The following PTER variants were observed in gnomAD, a reference collection of about 807,000 sequenced individuals.
PTER encodes the protein N-acetyltaurine hydrolase.
A neutral mutation model predicts 29.6 loss-of-function variants in PTER; 38 were observed. The ratio of observed to expected loss-of-function variants is 1.28; its 90% CI spans 0.99 to 1.68. The LOEUF is 1.68. PTER is among the 40% of genes most tolerant of loss of function. The probability of loss-of-function intolerance (pLI) is 0.00; values close to 1 mark genes in which losing one functional copy is unlikely to be tolerated. For synonymous variants in PTER, 172 were observed against 154.5 expected, an observed-to-expected ratio of 1.11 and a Z score of -0.84; for missense variants, 482 against 427.8, an observed-to-expected ratio of 1.13 and a Z score of -1.12.
rs57314942 is a variant in PTER at position 16,477,301 on chromosome 10, T to TA, written c.-48-7036_-48-7035insA. 8.6e-4 allele frequency among the ~76,000 whole-genome samples: 124 copies of TA among 143,572 alleles called. 1 individual carries two copies. The highest frequency in any genetic ancestry group is 4.4e-4 in the South Asian group (2 of 4,528). The allele number at this position is 143,572 out of a possible 152,430, so 94.2% of individuals were successfully genotyped here. ...ATAGATAGATAGATAGATAGATAGA[T>TA]GGATGTCTGTCTGTCTGCACATGCA... On this transcript the variant is annotated intron_variant, in intron 1 of 4. Transcript: ENST00000535784.
chr10:16,471,814 G>A (rs538334799), intron 1 of PTER, among the ~76,000 whole-genome samples: 2 of 152,190 alleles, frequency 1.3e-5, no homozygotes, highest in Non-Finnish European at 2.9e-5. Flanking sequence ...TCTATATAAT[G>A]CCATAATGGA....
chr10:16,505,040 A>G lies in PTER; in HGVS notation c.719A>G (p.Glu240Gly). ...HLDRTILDKK[E>G]LLEFAQLGCY... ...TCTAGGACTATTCTTGATAAGAAAGAGCTCTTGGAGTTTGCTCAACTTGGC... is the reference window on the plus strand; with the variant it reads ...TCTAGGACTATTCTTGATAAGAAAGGGCTCTTGGAGTTTGCTCAACTTGGC... The change falls in exon 4 of 5, where the codon GAG (glutamate) becomes GGG (glycine). Residue 240 changes from glutamate to glycine, a missense_variant. Physicochemically the swap from Glu to Gly is moderately conservative, Grantham distance 98 (BLOSUM62 -2). Coordinates refer to ENST00000535784, the MANE Select transcript of PTER (RefSeq NM_001261836.2). 1 of 1,613,942 alleles carries G rather than the reference A, an allele frequency of 6.2e-7. No homozygotes were observed. The highest frequency in any genetic ancestry group is 8.5e-7 in the Non-Finnish European group (1 of 1,179,900).
In PTER at chr10:16,484,724, GC is replaced by G; in HGVS notation, c.341del (p.Ala114GlufsTer37). ...AGACACACAGACGTTGAAGAGGCTT[GC>G]AGAAGAGACTGGCGTCCATATCATA... ...SRDTQTLKRL[A>X]EETGVHIISG... On this transcript the variant is annotated frameshift_variant, in exon 2 of 5. Transcript: ENST00000535784. LOFTEE classifies it high-confidence loss of function. The G allele has an allele frequency of 6.2e-7, 1 of 1,614,120 alleles. No homozygotes were observed. Among genetic ancestry groups the G allele is most frequent in the Non-Finnish European group, 8.5e-7 (1 of 1,180,012 alleles).
At chr10:16,443,007 G>A (rs895637079) in intron 1 of PTER, among the ~76,000 whole-genome samples, 3 of 152,028 alleles carry the variant, frequency 2.0e-5, no homozygotes, top group African/African-American at 4.8e-5. Context: ...AAAATGTAGA[G>A]CCCCCAGGTG....
chr10:16,484,829 A>C lies in PTER; in HGVS notation c.432+13A>C. On this transcript the variant is annotated intron_variant, in intron 2 of 4. Transcript: ENST00000535784. ...GTCAGTGGAGCAGGTAAAAAGCCTA[A>C]GTTCTTTGACAGTATTTGTTCATAA... The C allele has an allele frequency of 1.3e-6, 2 of 1,577,120 alleles. No individual in the cohort carries two copies. The highest frequency in any genetic ancestry group is 1.2e-5 in the South Asian group (1 of 84,042).
At chr10:16,449,965 C>T (rs1409370712) in intron 1 of PTER, among the ~76,000 whole-genome samples, 1 of 152,210 alleles carries the variant, frequency 6.6e-6, no homozygotes, top group African/African-American at 2.4e-5. Flanking sequence ...CCTTTTCTAA[C>T]ACCCTGAGTT....
At chr10:16,470,604 C>G (rs904949975) in intron 1 of PTER, among the ~76,000 whole-genome samples, 4 of 152,068 alleles carry the variant, frequency 2.6e-5, no homozygotes, top group African/African-American at 9.7e-5. Flanking sequence ...CCCATGTCTA[C>G]TAAAAATACA....
At position 16,486,769 on chromosome 10, in the gene PTER, G is replaced by A. The variant is rs970808376; in HGVS notation, c.698+152G>A. 6 of 910,722 alleles carry A rather than the reference G, an allele frequency of 6.6e-6. No individual in the cohort carries two copies. The African/African-American group carries it at 6.7e-5, about 10-fold the overall frequency. The allele number at this position is 910,722 out of a possible 1,614,324, so 56.4% of individuals were successfully genotyped here. On this transcript the variant is annotated intron_variant, in intron 3 of 4. Coordinates refer to ENST00000535784, the MANE Select transcript of PTER (RefSeq NM_001261836.2). The stretch of plus-strand genomic sequence containing the variant: ...GTAGTATTTATAAAGTTTCACAACT[G>A]ACATGAATAAAAGTCAATGCTGCCA...
downstream of PTER, among the ~76,000 whole-genome samples, chr10:16,517,503 A>G (rs1342885947): frequency 6.6e-6 from 1 of 152,220 alleles, no homozygotes; most frequent in Non-Finnish European, 1.5e-5. Context: ...ATTGTATTCA[A>G]ATAGCAATTT....
intron 1 of PTER, among the ~76,000 whole-genome samples, chr10:16,452,594 C>T (rs904825437): frequency 1.8e-4 from 28 of 151,980 alleles, no homozygotes; most frequent in African/African-American, 3.6e-4. Context: ...TGAACTACTG[C>T]GCCCAGCTGT....
At chr10:16,439,187 G>A (rs1833763878) in intron 1 of PTER, among the ~76,000 whole-genome samples, 1 of 152,106 alleles carries the variant, frequency 6.6e-6, no homozygotes. Flanking sequence ...GAGGTCAGTA[G>A]CGGAGTATCC....
intron 1 of PTER, among the ~76,000 whole-genome samples, chr10:16,447,716 G>A (rs1228885027): frequency 5.3e-5 from 8 of 151,974 alleles, no homozygotes; most frequent in South Asian, 2.1e-4. Context: ...ACCATACATC[G>A]TATTTATATA....
At chr10:16,447,786 G>C (rs1834069883) in intron 1 of PTER, among the ~76,000 whole-genome samples, 1 of 152,104 alleles carries the variant, frequency 6.6e-6, no homozygotes, top group African/African-American at 2.4e-5. Context: ...CCAGATCCTA[G>C]TCTTCTCTTC....
chr10:16,506,903 T>G (rs10795403), intron 4 of PTER, among the ~76,000 whole-genome samples: 63,934 of 151,182 alleles, frequency 0.42, 14,445 homozygotes, highest in East Asian at 0.64. Context: ...CATGATTGCA[T>G]GCCTGTGTAT....
In PTER at chr10:16,466,649, C is replaced by T. The variant is rs377676321; in HGVS notation, c.-48-17688C>T. On this transcript the variant is annotated intron_variant, in intron 1 of 4. Transcript: ENST00000535784. ...GGGCTTACAGGCATGAGCCACTGCA[C>T]CTGGCCTGATTCTTTTCAACTCTGG... 2.6e-4 allele frequency among the ~76,000 whole-genome samples: 39 copies of T among 152,350 alleles called. No individual in the cohort carries two copies. The East Asian group carries it at 3.9e-3, about 15-fold the overall frequency.
At chr10:16,482,443 G>C (rs1281162791) in intron 1 of PTER, among the ~76,000 whole-genome samples, 2 of 152,192 alleles carry the variant, frequency 1.3e-5, no homozygotes, top group Non-Finnish European at 2.9e-5. Flanking sequence ...GCTACTATTT[G>C]TTGAATATGG....
At chr10:16,518,683 T>C (rs1224009854), downstream of PTER, among the ~76,000 whole-genome samples, 1 of 152,226 alleles carries the variant, frequency 6.6e-6, no homozygotes, top group Non-Finnish European at 1.5e-5. Flanking sequence ...TATTTAAAGA[T>C]GTGAGCATTT....
chr10:16,467,260 T>C (rs1834869975), intron 1 of PTER, among the ~76,000 whole-genome samples: 2 of 152,212 alleles, frequency 1.3e-5, no homozygotes, highest in African/African-American at 4.8e-5. Flanking sequence ...TTATTATTAG[T>C]TATTGTTGCT....
chr10:16,455,487 T>C (rs1834362761), intron 1 of PTER, among the ~76,000 whole-genome samples: 1 of 152,132 alleles, frequency 6.6e-6, no homozygotes, highest in Non-Finnish European at 1.5e-5. Flanking sequence ...GCCCAGGAGT[T>C]TGAGACCAGC....
Sources: gnomAD v4.1 joint callset for allele counts (sites outside exome capture counted in the v4.1 genomes callset) on GRCh38, gnomAD v4.1.1 for gene constraint, MANE v1.5 for transcripts, NCBI Gene and HGNC (gene_info 2026-07-23, HGNC 2026-07-21) for gene names.